Variants in ATG10 observed in about 807,000 individuals in gnomAD.
ATG10 encodes the protein autophagy related 10.
Under a neutral mutation model 32.1 loss-of-function variants are expected in ATG10, and 30 were observed. The observed-to-expected ratio is 0.94, with a 90% CI of 0.70 to 1.27. The LOEUF (loss-of-function observed/expected upper bound fraction) is 1.27. Among genes scored for constraint, ATG10 ranks in the 50% most tolerant of loss-of-function variants. The pLI, the probability that ATG10 is intolerant of heterozygous loss-of-function variation, is 0.00. For synonymous variants in ATG10, 87 were observed against 91.5 expected (o/e 0.95, Z 0.28); for missense variants, 233 against 262.3 (o/e 0.89, Z 0.77).
intron 5 of ATG10, among the ~76,000 whole-genome samples, chr5:82,245,666 A>T (rs1345882929): frequency 6.6e-6 from 1 of 152,242 alleles, no homozygotes; most frequent in Non-Finnish European, 1.5e-5. Context: ...TTCTAGTCAC[A>T]TAAAGGAAAC....
chr5:82,122,602 C>A (rs1164286969), intron 3 of ATG10, among the ~76,000 whole-genome samples: 1 of 152,152 alleles, frequency 6.6e-6, no homozygotes, highest in Non-Finnish European at 1.5e-5. Context: ...ATGCAAACTG[C>A]AAACTATACA....
At chr5:82,006,157 A>G (rs1450589206) in intron 2 of ATG10, among the ~76,000 whole-genome samples, 1 of 152,148 alleles carries the variant, frequency 6.6e-6, no homozygotes, top group Non-Finnish European at 1.5e-5. Flanking sequence ...ACCCTTTGCC[A>G]TTATGCTAAT....
chr5:82,069,368 G>A (rs951966633), intron 3 of ATG10, among the ~76,000 whole-genome samples: 1 of 152,012 alleles, frequency 6.6e-6, no homozygotes, highest in South Asian at 2.1e-4. Context: ...AAAATCATTG[G>A]CCAGAACAAT....
At chr5:82,189,517 T>G (rs1005211411) in intron 5 of ATG10, among the ~76,000 whole-genome samples, 3 of 152,244 alleles carry the variant, frequency 2.0e-5, no homozygotes, top group African/African-American at 7.2e-5. Context: ...TAATGTACTC[T>G]GTGTGTGTAG....
At chr5:81,988,178 C>T (rs1266428966) in intron 2 of ATG10, among the ~76,000 whole-genome samples, 4 of 152,184 alleles carry the variant, frequency 2.6e-5, no homozygotes, top group Non-Finnish European at 5.9e-5. Context: ...ACTCTGTCCC[C>T]CACGCTGGAG....
At chr5:82,082,756 T>G (rs1329556937) in intron 3 of ATG10, among the ~76,000 whole-genome samples, 1 of 152,172 alleles carries the variant, frequency 6.6e-6, no homozygotes, top group East Asian at 1.9e-4. Context: ...AGACTGGTGT[T>G]TTAGTAAATA....
At chr5:82,146,598 T>G (rs1767369408) in intron 3 of ATG10, among the ~76,000 whole-genome samples, 1 of 151,772 alleles carries the variant, frequency 6.6e-6, no homozygotes, top group South Asian at 2.1e-4. Flanking sequence ...CCAAATACTT[T>G]GTTCATTTTC....
At chr5:82,127,178 C>T (rs1222352203) in intron 3 of ATG10, among the ~76,000 whole-genome samples, 1 of 151,960 alleles carries the variant, frequency 6.6e-6, no homozygotes, top group Admixed American at 6.6e-5. Context: ...CTGTTTTCTT[C>T]TTTATTATTC....
At chr5:82,050,339 C>A (rs1763371744) in intron 2 of ATG10, among the ~76,000 whole-genome samples, 1 of 152,070 alleles carries the variant, frequency 6.6e-6, no homozygotes, top group South Asian at 2.1e-4. Context: ...CATCTTTGGA[C>A]AATAACTATT....
At chr5:82,026,238 T>C (rs552271922) in intron 2 of ATG10, among the ~76,000 whole-genome samples, 13 of 152,344 alleles carry the variant, frequency 8.5e-5, no homozygotes, top group South Asian at 2.1e-4. Flanking sequence ...TTCATATATT[T>C]GTCCTTTTGT....
chr5:82,216,438 G>A (rs1472078733), intron 5 of ATG10, among the ~76,000 whole-genome samples: 1 of 152,184 alleles, frequency 6.6e-6, no homozygotes, highest in East Asian at 1.9e-4. Context: ...GACTTTGATA[G>A]ATTCTTTAAT....
At chr5:82,022,201 A>AT in intron 2 of ATG10, among the ~76,000 whole-genome samples, 1 of 151,758 alleles carries the variant, frequency 6.6e-6, no homozygotes, top group Admixed American at 6.6e-5. Context: ...AAAAAAAAAA[A>AT]TTTTATCTGA....
chr5:82,164,941 ATAAT>A (rs1743516701), intron 4 of ATG10, among the ~76,000 whole-genome samples: 1 of 152,250 alleles, frequency 6.6e-6, no homozygotes, highest in African/African-American at 2.4e-5. Context: ...CCAAAAGCTA[ATAAT>A]TATTTTAAGA....
At chr5:82,065,858 A>G (rs778955526) in intron 3 of ATG10, among the ~76,000 whole-genome samples, 1 of 152,084 alleles carries the variant, frequency 6.6e-6, no homozygotes, top group Non-Finnish European at 1.5e-5. Context: ...AACTCTTAAA[A>G]TTTTTGTGGA....
At chr5:82,109,926 T>C (rs1024560871) in intron 3 of ATG10, among the ~76,000 whole-genome samples, 5 of 151,018 alleles carry the variant, frequency 3.3e-5, no homozygotes, top group African/African-American at 9.7e-5. Flanking sequence ...TTACATTAGG[T>C]ATATCTCCTA....
chr5:81,983,159 C>A (rs1423011907), intron 1 of ATG10, among the ~76,000 whole-genome samples: 1 of 150,670 alleles, frequency 6.6e-6, no homozygotes, highest in African/African-American at 2.4e-5. Context: ...ACCTCCTGGA[C>A]GGGGCGGCTG....
chr5:82,114,542 G>C (rs975626283), intron 3 of ATG10, among the ~76,000 whole-genome samples: 8 of 152,004 alleles, frequency 5.3e-5, no homozygotes, highest in African/African-American at 1.9e-4. Context: ...GGCTTTAAGG[G>C]TAGCTTGGGA....
chr5:82,035,295 A>G (rs1411660570), intron 2 of ATG10, among the ~76,000 whole-genome samples: 2 of 152,036 alleles, frequency 1.3e-5, no homozygotes, highest in Non-Finnish European at 2.9e-5. Flanking sequence ...CCTGCACTCT[A>G]CCCTGCCCTC....
intron 3 of ATG10, among the ~76,000 whole-genome samples, chr5:82,081,167 G>C: frequency 6.6e-6 from 1 of 152,028 alleles, no homozygotes; most frequent in Non-Finnish European, 1.5e-5. Flanking sequence ...ATTGTCTGTT[G>C]TTGGTGTATA....
Sources: gnomAD v4.1 joint callset for allele counts (sites outside exome capture counted in the v4.1 genomes callset) on GRCh38, gnomAD v4.1.1 for gene constraint, MANE v1.5 for transcripts, NCBI Gene and HGNC (gene_info 2026-07-23, HGNC 2026-07-21) for gene names.